RPH3A: variants seen among roughly 807,000 people sequenced by gnomAD.
RPH3A encodes rabphilin-3A.
In RPH3A, 48 loss-of-function variants were observed where a neutral mutation model predicts 102.2. That is an observed-to-expected ratio of 0.47 (90% CI 0.37 to 0.60). RPH3A has a LOEUF of 0.60. Ranked by LOEUF, RPH3A falls within the 20% of genes least tolerant of loss-of-function variation. The pLI, the probability that RPH3A is intolerant of heterozygous loss-of-function variation, is 0.00. For missense variants in RPH3A, 781 were observed against 910.1 expected, an observed-to-expected ratio of 0.86 and a Z score of 1.83; for synonymous variants, 310 against 324.3, an observed-to-expected ratio of 0.96 and a Z score of 0.47.
chr12:112,646,961 G>T (rs542565506), intron 1 of RPH3A, among the ~76,000 whole-genome samples: 1 of 152,284 alleles, frequency 6.6e-6, no homozygotes, highest in East Asian at 1.9e-4. Context: ...CCCATAGTTT[G>T]GGACTGCATT....
chr12:112,870,184 A>G (rs2042684212), intron 10 of RPH3A, 145 bp downstream of exon 10: 1 of 793,330 alleles, frequency 1.3e-6, no homozygotes, highest in Non-Finnish European at 1.9e-6. Flanking sequence ...TACTGGTTTT[A>G]GTCTATGGTA....
chr12:112,670,236 G>T (rs2040117908), intron 1 of RPH3A, among the ~76,000 whole-genome samples: 1 of 152,132 alleles, frequency 6.6e-6, no homozygotes, highest in African/African-American at 2.4e-5. Context: ...AGGCTGGAGT[G>T]CAGTGGTGCA....
intron 7 of RPH3A, 47 bp downstream of exon 7, chr12:112,866,887 G>C (rs1359769038): frequency 1.3e-6 from 2 of 1,499,110 alleles, no homozygotes; most frequent in East Asian, 4.7e-5. Flanking sequence ...CTCCTTTCTT[G>C]GCCAGCTTAA....
intron 1 of RPH3A, among the ~76,000 whole-genome samples, chr12:112,784,469 T>C (rs980975016): frequency 3.3e-5 from 5 of 152,224 alleles, no homozygotes; most frequent in African/African-American, 9.6e-5. Flanking sequence ...CCCCGTGAAC[T>C]ATGGTCGTAT....
At chr12:112,796,403 C>G (rs1362497097) in intron 2 of RPH3A, among the ~76,000 whole-genome samples, 6 of 152,202 alleles carry the variant, frequency 3.9e-5, no homozygotes, top group African/African-American at 1.4e-4. Flanking sequence ...AGGGCCAAGG[C>G]TGTGATATCT....
intron 1 of RPH3A, among the ~76,000 whole-genome samples, chr12:112,738,648 G>T (rs1209578978): frequency 1.3e-5 from 2 of 152,082 alleles, no homozygotes; most frequent in Non-Finnish European, 2.9e-5. Context: ...TTTTTTGTTT[G>T]GGGAGCTGCA....
At chr12:112,602,852 C>T (rs2039569032) in intron 1 of RPH3A, among the ~76,000 whole-genome samples, 1 of 151,884 alleles carries the variant, frequency 6.6e-6, no homozygotes, top group South Asian at 2.1e-4. Context: ...CTTTTCTTTC[C>T]ATCTTAGGTT....
chr12:112,816,715 T>C (rs1175900303), intron 2 of RPH3A, among the ~76,000 whole-genome samples: 2 of 152,160 alleles, frequency 1.3e-5, no homozygotes, highest in Non-Finnish European at 2.9e-5. Context: ...TTATTATTAG[T>C]GTATTACTAT....
At chr12:112,834,879 A>G (rs1773653577) in intron 3 of RPH3A, among the ~76,000 whole-genome samples, 1 of 74,026 alleles carries the variant, frequency 1.4e-5, no homozygotes, top group Non-Finnish European at 2.5e-5. Context: ...ACTCTCTCCA[A>G]GTCTGTTACT....
At position 112,874,283 on chromosome 12, in the gene RPH3A, T is replaced by A. The variant is rs551717525; in HGVS notation, c.797-801T>A. 2.0e-5 allele frequency: 3 copies of A among 152,330 alleles called. No homozygotes were observed. In the East Asian group the frequency reaches 5.8e-4, roughly 29 times the overall value. 9.4% of individuals were successfully genotyped at this position (152,330 alleles called of 1,614,324 possible). A position where few individuals can be genotyped will look rare whatever the true frequency, so the allele number is the denominator to read the frequency against. On this transcript the variant is annotated intron_variant, in intron 10 of 21. Transcript: ENST00000389385. The stretch of plus-strand genomic sequence containing the variant: ...AGCATGTAAGGGTCTCTGGCACAGA[T>A]TCCAGAGGCCAACTGCCAGCGTTCA...
intron 1 of RPH3A, among the ~76,000 whole-genome samples, chr12:112,694,208 AACCTG>A (rs1402991576): frequency 6.6e-6 from 1 of 152,108 alleles, no homozygotes; most frequent in East Asian, 1.9e-4. Context: ...TCTTATCTCC[AACCTG>A]ACCCGTTATT....
intron 3 of RPH3A, among the ~76,000 whole-genome samples, chr12:112,835,594 A>G (rs1382652340): frequency 6.6e-6 from 1 of 152,194 alleles, no homozygotes; most frequent in Non-Finnish European, 1.5e-5. Flanking sequence ...TTTCCAATAA[A>G]TGCTAATGGG....
chr12:112,779,570 T>C (rs901401333), intron 1 of RPH3A, among the ~76,000 whole-genome samples: 6 of 152,190 alleles, frequency 3.9e-5, no homozygotes, highest in Non-Finnish European at 5.9e-5. Context: ...TTTAATAATA[T>C]GATCATCACC....
chr12:112,635,264 C>A (rs58536922), intron 1 of RPH3A, among the ~76,000 whole-genome samples: 1 of 152,100 alleles, frequency 6.6e-6, no homozygotes, highest in Non-Finnish European at 1.5e-5. Context: ...GGCCTATGGG[C>A]TGTTGTTTGG....
intron 1 of RPH3A, among the ~76,000 whole-genome samples, chr12:112,579,488 ACTC>A (rs935326429): frequency 1.3e-5 from 2 of 151,622 alleles, no homozygotes; most frequent in East Asian, 1.9e-4. Flanking sequence ...CATTTGGAAA[ACTC>A]CTCTTGCTCC....
At chr12:112,590,020 T>G (rs1313490280) in intron 1 of RPH3A, among the ~76,000 whole-genome samples, 2 of 150,262 alleles carry the variant, frequency 1.3e-5, no homozygotes, top group Non-Finnish European at 3.0e-5. Flanking sequence ...GATGGGGAGG[T>G]TGCAGTGAGC....
chr12:112,712,924 CCTCTTCTTCTTCT>C (rs2040477087), intron 1 of RPH3A, among the ~76,000 whole-genome samples: 3 of 96,236 alleles, frequency 3.1e-5, no homozygotes, highest in Non-Finnish European at 6.1e-5. Flanking sequence ...TCTTCTTCTT[CCTCTTCTTCTTCT>C]TCTTCTTCTT....
intron 19 of RPH3A, chr12:112,891,294 T>C: frequency 2.7e-6 from 1 of 367,372 alleles, no homozygotes; most frequent in East Asian, 5.3e-5. Flanking sequence ...AGTAGCCCCA[T>C]TTGTACTCCC....
At chr12:112,622,740 C>G (rs2135981454) in intron 1 of RPH3A, among the ~76,000 whole-genome samples, 1 of 147,152 alleles carries the variant, frequency 6.8e-6, no homozygotes, top group Admixed American at 6.8e-5. Flanking sequence ...AAGAGCAACT[C>G]CAAGACACAT....
Sources: gnomAD v4.1 joint callset for allele counts (sites outside exome capture counted in the v4.1 genomes callset) on GRCh38, gnomAD v4.1.1 for gene constraint, MANE v1.5 for transcripts, NCBI Gene and HGNC (gene_info 2026-07-23, HGNC 2026-07-21) for gene names.